MTMR3: variants seen among roughly 807,000 people sequenced by gnomAD.
MTMR3 encodes the protein myotubularin related protein 3.
MTMR3 carries 32 observed loss-of-function variants against 132.4 expected under a neutral mutation model. That is an observed-to-expected ratio of 0.24 (90% CI 0.18 to 0.32). The LOEUF is 0.32. Ranked by LOEUF, MTMR3 falls within the 10% of genes least tolerant of loss-of-function variation. The pLI, the probability that MTMR3 is intolerant of heterozygous loss-of-function variation, is 1.00. For missense variants in MTMR3, 1,216 were observed against 1,489.6 expected (o/e 0.82, Z 3.02); for synonymous variants, 556 against 550.3 (o/e 1.01, Z -0.14).
At chr22:29,909,263 T>G (rs1329657191) in intron 1 of MTMR3, among the ~76,000 whole-genome samples, 1 of 152,174 alleles carries the variant, frequency 6.6e-6, no homozygotes, top group Non-Finnish European at 1.5e-5. Flanking sequence ...GAACACAGAT[T>G]ATTTGCCCTA....
intron 1 of MTMR3, among the ~76,000 whole-genome samples, chr22:29,927,871 T>TTTTACCACAATCA (rs1275244061): frequency 6.6e-6 from 1 of 152,084 alleles, no homozygotes; most frequent in African/African-American, 2.4e-5. Flanking sequence ...TTTTTAAAAT[T>TTTTACCACAATCA]TTTACCACAA....
intron 15 of MTMR3, 51 bp downstream of exon 15, chr22:30,016,749 TG>T (rs1363469358): frequency 1.3e-6 from 2 of 1,557,332 alleles, no homozygotes; most frequent in East Asian, 2.3e-5. Flanking sequence ...AATTTGGGGT[TG>T]GTTACATATG....
intron 1 of MTMR3, among the ~76,000 whole-genome samples, chr22:29,931,780 C>CTT (rs34210747): frequency 0.45 from 62,679 of 140,820 alleles, 14,472 homozygotes; most frequent in East Asian, 0.73. Flanking sequence ...AGAGAGAATC[C>CTT]TTTTTTTTTT....
chr22:29,991,689 T>G lies in MTMR3; in HGVS notation c.460+19T>G. On this transcript the variant is annotated intron_variant, in intron 7 of 19. Coordinates refer to ENST00000401950, the MANE Select transcript of MTMR3 (RefSeq NM_021090.4). Reference sequence around the variant, plus strand: ...AGACCAGGTACGCCTTTCTGAAATGTGCAAATGGCCAGGGGCTTTATCAAG... The same window carrying G: ...AGACCAGGTACGCCTTTCTGAAATGGGCAAATGGCCAGGGGCTTTATCAAG... 1 of 1,566,112 alleles carries G rather than the reference T, an allele frequency of 6.4e-7. No individual in the cohort carries two copies.
intron 19 of MTMR3, chr22:30,023,798 G>T (rs2067831286): frequency 2.6e-6 from 1 of 379,090 alleles, no homozygotes; most frequent in Non-Finnish European, 4.8e-6. Context: ...ATTTATTTTG[G>T]GTCAGTGATT....
At chr22:29,942,033 T>G (rs1457183985) in intron 1 of MTMR3, among the ~76,000 whole-genome samples, 1 of 152,100 alleles carries the variant, frequency 6.6e-6, no homozygotes, top group African/African-American at 2.4e-5. Flanking sequence ...TTGAATGCCT[T>G]TAGTTTTTGG....
At chr22:29,932,392 ATAGT>A (rs2065663718) in intron 1 of MTMR3, among the ~76,000 whole-genome samples, 1 of 152,160 alleles carries the variant, frequency 6.6e-6, no homozygotes, top group Admixed American at 6.5e-5. Context: ...TTTTGGTTTC[ATAGT>A]TAAAGTTCTT....
At chr22:29,945,534 TAAA>T (rs1232508065) in intron 1 of MTMR3, among the ~76,000 whole-genome samples, 5 of 147,834 alleles carry the variant, frequency 3.4e-5, no homozygotes, top group African/African-American at 1.3e-4. Flanking sequence ...CCTGTCTCTA[TAAA>T]AAATTAAAAA....
chr22:29,915,206 T>C (rs2065285451), intron 1 of MTMR3, among the ~76,000 whole-genome samples: 1 of 152,224 alleles, frequency 6.6e-6, no homozygotes, highest in Non-Finnish European at 1.5e-5. Flanking sequence ...TTCATTCTTT[T>C]ATAATGACTT....
chr22:29,995,597 C>G (rs2067045438), intron 7 of MTMR3: 2 of 152,086 alleles, frequency 1.3e-5, no homozygotes, highest in Admixed American at 6.5e-5. Context: ...ATAAGAAACA[C>G]TAAATGCTGA....
chr22:29,912,063 G>A (rs767905755), intron 1 of MTMR3, among the ~76,000 whole-genome samples: 3 of 152,120 alleles, frequency 2.0e-5, no homozygotes, highest in African/African-American at 4.8e-5. Context: ...AGGAAATGAA[G>A]AGGTGAGGTA....
rs1299189797 is a variant in MTMR3 at position 29,937,411 on chromosome 22, CT to C, written c.-137-19622del. Among the ~76,000 whole-genome samples the C allele has an allele frequency of 3.0e-5, 4 of 132,660 alleles. No homozygotes were observed. The East Asian group carries it at 7.4e-4, about 25-fold the overall frequency. The allele number at this position is 132,660 out of a possible 152,430, so 87.0% of individuals were successfully genotyped here. A position where few individuals can be genotyped will look rare whatever the true frequency, so the allele number is the denominator to read the frequency against. On this transcript the variant is annotated intron_variant, in intron 1 of 19. Coordinates refer to ENST00000401950, the MANE Select transcript of MTMR3 (RefSeq NM_021090.4). ...TTGTTCACTTTTTTCTTTCAAAAAA[CT>C]TTGCAGATTTTTTTTTTTTTTGAGT...
chr22:30,013,494 C>T lies in MTMR3; in HGVS notation c.1456C>T (p.Leu486Phe). 5 of 1,614,100 alleles carry T rather than the reference C, an allele frequency of 3.1e-6. No individual in the cohort carries two copies. The highest frequency in any genetic ancestry group is 4.2e-6 in the Non-Finnish European group (5 of 1,179,988). The change falls in exon 14 of 20, where the codon CTT becomes TTT. Residue 486 changes from leucine to phenylalanine, a missense_variant. Leu to Phe is a conservative substitution (Grantham distance 22). Around this residue, in one of 7 missense-constraint regions of MTMR3, gnomAD observed 106 missense variants for 209.5 expected, o/e 0.51. Coordinates refer to ENST00000401950, the MANE Select transcript of MTMR3 (RefSeq NM_021090.4). ...FLQWLDCVHQ[L>F]QRQFPCSFEF... Reference sequence around the variant, plus strand: ...GCAGTGGCTTGACTGTGTTCATCAGCTTCAGAGGCAATTTCCTTGCTCTTT... The same window carrying T: ...GCAGTGGCTTGACTGTGTTCATCAGTTTCAGAGGCAATTTCCTTGCTCTTT...
chr22:29,889,284 CTTTTTTTTTTTT>C (rs71324792), intron 1 of MTMR3, among the ~76,000 whole-genome samples: 1 of 116,410 alleles, frequency 8.6e-6, no homozygotes, highest in Non-Finnish European at 1.8e-5. Flanking sequence ...AGCTACGGAA[CTTTTTTTTTTTT>C]TTTTTTTTTT....
Position 29,991,643 on chromosome 22 carries a change from G to A in MTMR3, c.433G>A (p.Glu145Lys), listed in dbSNP as rs758278165. Residue 145 changes from glutamate to lysine, a missense_variant, in exon 7 of 20, where the codon GAG (glutamate) becomes AAG (lysine). Physicochemically the swap from Glu to Lys is moderately conservative, Grantham distance 56. This residue lies in a region of MTMR3 where 129 missense variants were observed against 245.7 expected (regional missense o/e 0.53). Coordinates refer to ENST00000401950, the MANE Select transcript of MTMR3 (RefSeq NM_021090.4). ...WCMEVYASEKEQHGDLCRPGE... is the reference protein window; with the variant it reads ...WCMEVYASEKKQHGDLCRPGE... ...CATGGAGGTCTATGCCAGTGAAAAA[G>A]AGCAACATGGAGACCTGTGCAGACC... 1 of 1,612,766 alleles carries A rather than the reference G, an allele frequency of 6.2e-7. No homozygotes were observed. Among genetic ancestry groups the A allele is most frequent in the Non-Finnish European group, 8.5e-7 (1 of 1,179,520 alleles).
chr22:29,970,232 G>A (rs2066506365), intron 2 of MTMR3, among the ~76,000 whole-genome samples: 1 of 152,190 alleles, frequency 6.6e-6, no homozygotes, highest in Non-Finnish European at 1.5e-5. Context: ...TTGCTCGTAA[G>A]TCAGTTTGGT....
intron 3 of MTMR3, among the ~76,000 whole-genome samples, chr22:29,971,626 G>T (rs2066538212): frequency 6.6e-6 from 1 of 152,076 alleles, no homozygotes; most frequent in Admixed American, 6.6e-5. Context: ...TACCTTCCCT[G>T]TTTTGTCTCT....
intron 1 of MTMR3, among the ~76,000 whole-genome samples, chr22:29,933,320 TGAA>T (rs1569011264): frequency 1.3e-5 from 2 of 151,896 alleles, no homozygotes; most frequent in Non-Finnish European, 2.9e-5. Context: ...AAAAAAACTG[TGAA>T]GAATGTTATT....
chr22:29,939,299 A>C (rs1367465033), intron 1 of MTMR3, among the ~76,000 whole-genome samples: 5 of 152,212 alleles, frequency 3.3e-5, no homozygotes. Context: ...ATAGGTTTAA[A>C]TAAAATAAAA....
Sources: allele counts gnomAD v4.1 joint callset (sites outside exome capture counted in the v4.1 genomes callset), GRCh38; gene constraint gnomAD v4.1.1; regional missense constraint gnomAD v4.1.1; transcripts MANE v1.5; gene names NCBI Gene and HGNC (gene_info 2026-07-23, HGNC 2026-07-21).